Variants in LIMS1 observed in about 807,000 individuals in gnomAD.
LIMS1 encodes the protein LIM zinc finger domain containing 1, also known as LIM and senescent cell antigen-like-containing domain protein 1.
A neutral mutation model predicts 44.1 loss-of-function variants in LIMS1; 18 were observed. The observed-to-expected ratio is 0.41, with a 90% CI of 0.28 to 0.61. The LOEUF is 0.61. LIMS1 is among the 20% of genes least tolerant of loss of function. The pLI, the probability that LIMS1 is intolerant of heterozygous loss-of-function variation, is 0.32. For missense variants in LIMS1, 201 were observed against 422.0 expected, an observed-to-expected ratio of 0.48 and a Z score of 4.59; for synonymous variants, 93 against 149.1, an observed-to-expected ratio of 0.62 and a Z score of 2.74.
intron 1 of LIMS1, among the ~76,000 whole-genome samples, chr2:108,560,675 A>G (rs368455475): frequency 5.3e-4 from 80 of 151,832 alleles, no homozygotes; most frequent in African/African-American, 1.8e-3. Flanking sequence ...GCTAAACACA[A>G]ACACACACAC....
chr2:108,538,788 T>C (rs1252010320), intron 1 of LIMS1, among the ~76,000 whole-genome samples: 1 of 152,240 alleles, frequency 6.6e-6, no homozygotes, highest in Non-Finnish European at 1.5e-5. Flanking sequence ...TTGACGTTGC[T>C]GTGCAACCAT....
At chr2:108,613,776 C>T (rs979732956) in intron 1 of LIMS1, among the ~76,000 whole-genome samples, 1 of 152,062 alleles carries the variant, frequency 6.6e-6, no homozygotes, top group Non-Finnish European at 1.5e-5. Context: ...TGTCTCATTT[C>T]ACCTCCTAGC....
At chr2:108,629,237 A>G (rs925057623) in intron 1 of LIMS1, among the ~76,000 whole-genome samples, 1 of 152,226 alleles carries the variant, frequency 6.6e-6, no homozygotes, top group African/African-American at 2.4e-5. Context: ...ATCACAACTT[A>G]CATGTTGGCT....
intron 1 of LIMS1, among the ~76,000 whole-genome samples, chr2:108,622,606 C>T (rs1319926392): frequency 2.0e-5 from 3 of 152,042 alleles, no homozygotes; most frequent in Admixed American, 6.6e-5. Context: ...TTTGAATTGA[C>T]TGGATTAAAC....
chr2:108,560,306 C>G (rs1440673373), intron 1 of LIMS1, among the ~76,000 whole-genome samples: 2 of 152,158 alleles, frequency 1.3e-5, no homozygotes, highest in African/African-American at 4.8e-5. Context: ...TCAAAGCCCT[C>G]CAGTGGATCT....
chr2:108,561,878 G>T (rs1206239319), intron 1 of LIMS1, among the ~76,000 whole-genome samples: 1 of 151,920 alleles, frequency 6.6e-6, no homozygotes, highest in African/African-American at 2.4e-5. Flanking sequence ...GAGTAGCTGG[G>T]ACTACAGGCT....
At chr2:108,650,070 G>A (rs1165766192) in intron 1 of LIMS1, among the ~76,000 whole-genome samples, 1 of 150,856 alleles carries the variant, frequency 6.6e-6, no homozygotes, top group Non-Finnish European at 1.5e-5. Flanking sequence ...TAGCAGACCT[G>A]CTATTCAGAC....
At chr2:108,664,807 C>T (rs1057000832) in intron 2 of LIMS1, among the ~76,000 whole-genome samples, 1 of 151,976 alleles carries the variant, frequency 6.6e-6, no homozygotes, top group South Asian at 2.1e-4. Flanking sequence ...GAAGCATAGC[C>T]CAGAGTGCAA....
chr2:108,540,947 C>T (rs958598534), intron 1 of LIMS1, among the ~76,000 whole-genome samples: 7 of 152,124 alleles, frequency 4.6e-5, no homozygotes, highest in African/African-American at 1.7e-4. Context: ...AGAGTAAATA[C>T]CTTGAGGACC....
intron 1 of LIMS1, chr2:108,659,053 G>T (rs533154986): frequency 1.4e-5 from 3 of 211,624 alleles, no homozygotes; most frequent in African/African-American, 7.1e-5. Context: ...TCGTCTTACC[G>T]ATTAGGTAAC....
intron 1 of LIMS1, among the ~76,000 whole-genome samples, chr2:108,558,549 A>T (rs1189974115): frequency 6.6e-6 from 1 of 152,028 alleles, no homozygotes; most frequent in East Asian, 1.9e-4. Context: ...CCTTTGTTGC[A>T]CTGGCATTTC....
chr2:108,558,852 G>A (rs1263373663), intron 1 of LIMS1, among the ~76,000 whole-genome samples: 1 of 151,532 alleles, frequency 6.6e-6, no homozygotes, highest in African/African-American at 2.4e-5. Context: ...TTTGTTTTTG[G>A]TAGAGACGGG....
intron 1 of LIMS1, among the ~76,000 whole-genome samples, chr2:108,600,736 G>A (rs1357926868): frequency 6.6e-6 from 1 of 152,120 alleles, no homozygotes; most frequent in Non-Finnish European, 1.5e-5. Flanking sequence ...CTATATGTGT[G>A]TTTTTATGCC....
At chr2:108,605,485 A>T (rs976160815) in intron 1 of LIMS1, among the ~76,000 whole-genome samples, 14 of 152,304 alleles carry the variant, frequency 9.2e-5, no homozygotes, top group South Asian at 2.1e-4. Context: ...TTTTTATAAA[A>T]TTTTTTAAAA....
At chr2:108,642,191 T>C (rs1474846256) in intron 1 of LIMS1, among the ~76,000 whole-genome samples, 1 of 152,160 alleles carries the variant, frequency 6.6e-6, no homozygotes, top group Non-Finnish European at 1.5e-5. Flanking sequence ...TACTAAGCAC[T>C]CCGCTTTTTC....
At chr2:108,611,858 C>A (rs796416998) in intron 1 of LIMS1, among the ~76,000 whole-genome samples, 3 of 84,962 alleles carry the variant, frequency 3.5e-5, no homozygotes, top group Non-Finnish European at 8.0e-5. Flanking sequence ...TATATATACA[C>A]ACATATATAT....
intron 1 of LIMS1, among the ~76,000 whole-genome samples, chr2:108,547,727 G>A (rs1208663278): frequency 6.6e-6 from 1 of 152,168 alleles, no homozygotes; most frequent in African/African-American, 2.4e-5. Context: ...TAGAGTGTGT[G>A]GAGGAAATGG....
intron 1 of LIMS1, among the ~76,000 whole-genome samples, chr2:108,538,984 C>G (rs545308493): frequency 6.6e-6 from 1 of 152,288 alleles, no homozygotes; most frequent in Admixed American, 6.5e-5. Flanking sequence ...TCACAGTGTA[C>G]ATGTGATATG....
intron 1 of LIMS1, among the ~76,000 whole-genome samples, chr2:108,594,222 C>G (rs1024539904): frequency 6.6e-6 from 1 of 152,026 alleles, no homozygotes; most frequent in Non-Finnish European, 1.5e-5. Flanking sequence ...CACCACAGAC[C>G]CCTGCCCTCT....
Sources: allele counts gnomAD v4.1 joint callset (sites outside exome capture counted in the v4.1 genomes callset), GRCh38; gene constraint gnomAD v4.1.1; transcripts MANE v1.5; gene names NCBI Gene and HGNC (gene_info 2026-07-23, HGNC 2026-07-21).